Variants in AGAP1 observed in about 807,000 individuals in gnomAD.
The protein encoded by AGAP1 is ArfGAP with GTPase domain, ankyrin repeat and PH domain 1, also known as arf-GAP with GTPase, ANK repeat and PH domain-containing protein 1.
In AGAP1, 29 loss-of-function variants were observed where a neutral mutation model predicts 105.3. The ratio of observed to expected loss-of-function variants is 0.28; its 90% CI spans 0.21 to 0.38. The LOEUF (loss-of-function observed/expected upper bound fraction) is 0.38. AGAP1 is among the 10% of genes least tolerant of loss of function. The pLI is 1.00. For missense variants in AGAP1, 998 were observed against 1,165.1 expected, an observed-to-expected ratio of 0.86 and a Z score of 2.09; for synonymous variants, 509 against 485.9, an observed-to-expected ratio of 1.05 and a Z score of -0.63.
rs1434114681 is a variant in AGAP1 at position 235,983,828 on chromosome 2, T to A, written c.1645+15205T>A. 6.6e-6 allele frequency among the ~76,000 whole-genome samples: 1 copy of A among 152,206 alleles called. No individual in the cohort carries two copies. Among genetic ancestry groups the A allele is most frequent in the Non-Finnish European group, 1.5e-5 (1 of 68,040 alleles). ...GGCTTATGTATGGACTCTGTGATGG[T>A]CACACAATGACAAAATCGCCTAACG... On this transcript the variant is annotated intron_variant, in intron 13 of 17. Coordinates refer to ENST00000304032, the MANE Select transcript of AGAP1 (RefSeq NM_001037131.3). This position sits in a 1 kb window ranked among gnomAD's most constrained non-coding sequence, Gnocchi z 4.5.
intron 17 of AGAP1, among the ~76,000 whole-genome samples, chr2:236,122,144 G>A (rs991735002): frequency 6.6e-6 from 1 of 151,940 alleles, no homozygotes; most frequent in Non-Finnish European, 1.5e-5. Flanking sequence ...GTAGACTTAC[G>A]TTCTTACCAT....
rs1226669851 is a variant in AGAP1, at chr2:235,893,781, A to T, written c.1155+10332A>T. On this transcript the variant is annotated intron_variant, in intron 10 of 17. Coordinates refer to ENST00000304032, the MANE Select transcript of AGAP1 (RefSeq NM_001037131.3). This position sits in a 1 kb window ranked among gnomAD's most constrained non-coding sequence, Gnocchi z 4.7. ...TGCTTAGTACACACCGGTCACAGTG[A>T]CTTGAGTGCCACCACAATGAAGTTT... Among the ~76,000 whole-genome samples the T allele has an allele frequency of 1.3e-5, 2 of 152,104 alleles. No individual in the cohort carries two copies. The highest frequency in any genetic ancestry group is 2.9e-5 in the Non-Finnish European group (2 of 68,004).
chr2:236,037,888 G>A (rs753881485), intron 14 of AGAP1, among the ~76,000 whole-genome samples: 29 of 152,144 alleles, frequency 1.9e-4, no homozygotes, highest in Non-Finnish European at 3.7e-4. Context: ...TAGAAACTAA[G>A]AGAAAGGATG....
chr2:236,098,738 C>T (rs575576374), intron 16 of AGAP1, among the ~76,000 whole-genome samples: 3 of 151,098 alleles, frequency 2.0e-5, no homozygotes, highest in South Asian at 2.1e-4. Context: ...GATCCCCCTG[C>T]GTCAGCCTCC....
In AGAP1 at chr2:235,622,281, T is replaced by C. The variant is rs537660355; in HGVS notation, c.164-86898T>C. ...CACACCAGCCCTCCTGCTGGCTTTGTAGAATGCTCACAGTGGAATAGACTG... is the reference window on the plus strand; with the variant it reads ...CACACCAGCCCTCCTGCTGGCTTTGCAGAATGCTCACAGTGGAATAGACTG... On this transcript the variant is annotated intron_variant, in intron 1 of 17. Coordinates refer to ENST00000304032, the MANE Select transcript of AGAP1 (RefSeq NM_001037131.3). This position sits in a 1 kb window ranked among gnomAD's most constrained non-coding sequence, Gnocchi z 5.0. Among the ~76,000 whole-genome samples, 1 of 152,188 alleles carries C rather than the reference T, an allele frequency of 6.6e-6. No individual in the cohort carries two copies. Among genetic ancestry groups the C allele is most frequent in the Non-Finnish European group, 1.5e-5 (1 of 68,030 alleles).
intron 1 of AGAP1, among the ~76,000 whole-genome samples, chr2:235,516,034 TGTTC>T (rs1269827794): frequency 6.8e-5 from 10 of 146,362 alleles, no homozygotes; most frequent in Admixed American, 6.7e-4. Flanking sequence ...TATGGGCTCC[TGTTC>T]CTGCCGCATG....
At chr2:235,859,532 T>C (rs2048837068) in intron 9 of AGAP1, among the ~76,000 whole-genome samples, 2 of 118,254 alleles carry the variant, frequency 1.7e-5, no homozygotes, top group Admixed American at 2.1e-4. Flanking sequence ...TTCTTATTTT[T>C]TCTGAGCAGT....
chr2:235,669,174 G>A (rs1948231028), intron 1 of AGAP1, among the ~76,000 whole-genome samples: 1 of 152,142 alleles, frequency 6.6e-6, no homozygotes, highest in Non-Finnish European at 1.5e-5. Context: ...TGGCATTGGT[G>A]TACACAGCAC....
At chr2:235,568,486 C>T (rs986915067) in intron 1 of AGAP1, among the ~76,000 whole-genome samples, 12 of 152,152 alleles carry the variant, frequency 7.9e-5, no homozygotes, top group Non-Finnish European at 1.6e-4. Context: ...TAGCATGTGG[C>T]GGGCACCTGG....
intron 16 of AGAP1, among the ~76,000 whole-genome samples, chr2:236,102,417 CAAAAAA>C (rs34989933): frequency 1.5e-5 from 1 of 66,242 alleles, no homozygotes; most frequent in Non-Finnish European, 2.8e-5. Flanking sequence ...GACTCCATCT[CAAAAAA>C]AAAAAAAAAA....
At position 235,992,021 on chromosome 2, in the gene AGAP1, C is replaced by G. The variant is rs1054770348; in HGVS notation, c.1645+23398C>G. The stretch of plus-strand genomic sequence containing the variant: ...CACATTTCTCTCTCATCTGTGAAGG[C>G]CCGTTGAGACTGCTCAGTTGGTGTC... On this transcript the variant is annotated intron_variant, in intron 13 of 17. Coordinates refer to ENST00000304032, the MANE Select transcript of AGAP1 (RefSeq NM_001037131.3). The surrounding 1 kb of genome is among the most constrained non-coding windows in gnomAD (Gnocchi z 4.8). Among the ~76,000 whole-genome samples, 1 of 152,234 alleles carries G rather than the reference C, an allele frequency of 6.6e-6. No homozygotes were observed. The highest frequency in any genetic ancestry group is 1.5e-5 in the Non-Finnish European group (1 of 68,040).
In AGAP1 at chr2:235,559,890, C is replaced by CA. The variant is rs1286942114; in HGVS notation, c.163+65042dup. Reference sequence around the variant, plus strand: ...TTATTTATGGATTCTGGATACTAGACACTTATTAGATATATGATTTGCAAA... The same window carrying CA: ...TTATTTATGGATTCTGGATACTAGACAACTTATTAGATATATGATTTGCAAA... On this transcript the variant is annotated intron_variant, in intron 1 of 17. Coordinates refer to ENST00000304032, the MANE Select transcript of AGAP1 (RefSeq NM_001037131.3). This position sits in a 1 kb window ranked among gnomAD's most constrained non-coding sequence, Gnocchi z 5.7. Among the ~76,000 whole-genome samples the CA allele has an allele frequency of 3.3e-5, 5 of 152,018 alleles. No individual in the cohort carries two copies. The highest frequency in any genetic ancestry group is 1.2e-4 in the African/African-American group (5 of 41,400).
At chr2:235,849,843 AGTGCTCCT>A (rs964593778) in intron 9 of AGAP1, among the ~76,000 whole-genome samples, 4 of 152,154 alleles carry the variant, frequency 2.6e-5, no homozygotes, top group African/African-American at 9.7e-5. Flanking sequence ...CTGGGCGCCC[AGTGCTCCT>A]GTCCCCATCT....
intron 1 of AGAP1, among the ~76,000 whole-genome samples, chr2:235,668,705 G>A (rs1948213174): frequency 1.3e-5 from 2 of 152,178 alleles, no homozygotes; most frequent in Admixed American, 1.3e-4. Context: ...CAGCCCACCA[G>A]GTAGGAAATC....
rs563944127 is a variant in AGAP1, at chr2:236,062,512, A to G, written c.2114+13231A>G. On this transcript the variant is annotated intron_variant, in intron 16 of 17. Transcript: ENST00000304032. This position sits in a 1 kb window ranked among gnomAD's most constrained non-coding sequence, Gnocchi z 4.2. ...TTTTTTAGAAACAGAATCTCACTCT[A>G]TCACACAGGCTTGAATGCAGTGGCA... Among the ~76,000 whole-genome samples the G allele has an allele frequency of 3.3e-5, 5 of 151,952 alleles. No homozygotes were observed. Among genetic ancestry groups the G allele is most frequent in the African/African-American group, 9.7e-5 (4 of 41,424 alleles).
intron 11 of AGAP1, among the ~76,000 whole-genome samples, chr2:235,915,462 C>T (rs183660083): frequency 4.1e-5 from 4 of 98,114 alleles, no homozygotes; most frequent in Non-Finnish European, 8.4e-5. Context: ...ATCCCCTGAG[C>T]CCAAGAGTTC....
At chr2:235,717,949 C>A (rs1951201996) in intron 3 of AGAP1, among the ~76,000 whole-genome samples, 1 of 152,084 alleles carries the variant, frequency 6.6e-6, no homozygotes, top group Admixed American at 6.6e-5. Context: ...ATTGTTGCTC[C>A]TTTAAATATT....
intron 9 of AGAP1, among the ~76,000 whole-genome samples, chr2:235,811,238 G>T (rs1958122727): frequency 3.3e-5 from 5 of 152,180 alleles, no homozygotes; most frequent in Admixed American, 3.3e-4. Flanking sequence ...CCTTCGCAGA[G>T]CCCCGGCCAG....
chr2:236,104,145 G>C lies in AGAP1; in HGVS notation c.2115-16047G>C. On this transcript the variant is annotated intron_variant, in intron 16 of 17. Transcript: ENST00000304032. This position sits in a 1 kb window ranked among gnomAD's most constrained non-coding sequence, Gnocchi z 4.7. ...TGGGTCTGCCCCAGGAGCCCCGCAA[G>C]GCGGGAGGCCTGTGTAAAGGCCTGC... Among the ~76,000 whole-genome samples the C allele has an allele frequency of 6.6e-6, 1 of 152,206 alleles. No individual in the cohort carries two copies. The highest frequency in any genetic ancestry group is 2.1e-4 in the South Asian group (1 of 4,830).
Sources: gnomAD v4.1 joint callset for allele counts (sites outside exome capture counted in the v4.1 genomes callset) on GRCh38, gnomAD v4.1.1 for gene constraint, Gnocchi (gnomAD v3.1) non-coding constraint, MANE v1.5 for transcripts, NCBI Gene and HGNC (gene_info 2026-07-23, HGNC 2026-07-21) for gene names.